STK32B: variants seen among roughly 807,000 people sequenced by gnomAD.
STK32B encodes the protein serine/threonine kinase 32B, also known as serine/threonine-protein kinase 32B.
STK32B carries 43 observed loss-of-function variants against 52.6 expected under a neutral mutation model. That is an observed-to-expected ratio of 0.82 (90% CI 0.64 to 1.05). The LOEUF (loss-of-function observed/expected upper bound fraction) is 1.05, where lower values mean the gene tolerates loss of function less well. Among genes scored for constraint, STK32B ranks in the 50% least tolerant of loss-of-function variants. The pLI is 0.00. For missense variants in STK32B, 621 were observed against 534.6 expected, an observed-to-expected ratio of 1.16 and a Z score of -1.59; for synonymous variants, 238 against 204.3, an observed-to-expected ratio of 1.17 and a Z score of -1.41.
intron 3 of STK32B, among the ~76,000 whole-genome samples, chr4:5,211,223 C>G (rs1440608780): frequency 2.0e-5 from 3 of 152,196 alleles, no homozygotes; most frequent in African/African-American, 7.2e-5. Context: ...ACTTATTTGT[C>G]TATTAGCATG....
At chr4:5,038,966 A>T in the STK32B span, among the ~76,000 whole-genome samples, 1 of 150,724 alleles carries the variant, frequency 6.6e-6, no homozygotes, top group South Asian at 2.1e-4. Context: ...CATACTGTAC[A>T]GCTATACAAA....
intron 5 of STK32B, among the ~76,000 whole-genome samples, chr4:5,410,745 T>C (rs946488425): frequency 5.3e-5 from 8 of 152,292 alleles, no homozygotes; most frequent in Non-Finnish European, 8.8e-5. Context: ...TATTATGATA[T>C]CCCTACAAAC....
intron 3 of STK32B, among the ~76,000 whole-genome samples, chr4:5,280,599 A>G (rs530571741): frequency 6.6e-6 from 1 of 152,266 alleles, no homozygotes; most frequent in Non-Finnish European, 1.5e-5. Context: ...TCGCACTGCT[A>G]TAAAGACATA....
At chr4:5,442,515 A>G (rs28878260) in intron 6 of STK32B, among the ~76,000 whole-genome samples, 34,819 of 144,862 alleles carry the variant, frequency 0.24, 5,034 homozygotes, top group East Asian at 0.71. Context: ...CGTGAGATGG[A>G]TTTCCTGAAT....
At chr4:5,144,832 C>CCAAT (rs1716786417) in intron 2 of STK32B, among the ~76,000 whole-genome samples, 1 of 151,742 alleles carries the variant, frequency 6.6e-6, no homozygotes, top group Non-Finnish European at 1.5e-5. Context: ...ATCCATCCAT[C>CCAAT]CAACATACGG....
intron 6 of STK32B, among the ~76,000 whole-genome samples, chr4:5,438,760 A>G (rs1714386600): frequency 6.6e-6 from 1 of 151,906 alleles, no homozygotes; most frequent in African/African-American, 2.4e-5. Flanking sequence ...CCCTCCCCAC[A>G]CCCCACAACA....
chr4:5,392,025 G>A (rs752591356), intron 4 of STK32B, among the ~76,000 whole-genome samples: 37 of 152,056 alleles, frequency 2.4e-4, no homozygotes, highest in Middle Eastern at 3.2e-3. Context: ...GAAGGGACAG[G>A]GTCAGATTTG....
chr4:5,317,320 A>ATT (rs1553871770), intron 3 of STK32B, among the ~76,000 whole-genome samples: 1 of 43,496 alleles, frequency 2.3e-5, no homozygotes, highest in African/African-American at 1.9e-4. Context: ...ACATATGTAT[A>ATT]ATATATATTA....
chr4:5,142,115 GCCCTTGGGAATGTCCAATA>G (rs1184224861), intron 2 of STK32B, among the ~76,000 whole-genome samples: 1 of 152,198 alleles, frequency 6.6e-6, no homozygotes, highest in Non-Finnish European at 1.5e-5. Flanking sequence ...ACAGAAAAGT[GCCCTTGGGAATGTCCAATA>G]CACTAACTAT....
At position 5,275,773 on chromosome 4, in the gene STK32B, G is replaced by A. The variant is rs1199259233; in HGVS notation, c.261-55447G>A. On this transcript the variant is annotated intron_variant, in intron 3 of 11. Transcript: ENST00000282908. ...CTGTGAGCAGAACCACCCTGAGAGT[G>A]GCGCACACTGAGTACTGCTGGTGGT... Among the ~76,000 whole-genome samples, 3 of 152,052 alleles carry A rather than the reference G, an allele frequency of 2.0e-5. No individual in the cohort carries two copies. The East Asian group carries it at 5.8e-4, about 29-fold the overall frequency.
At chr4:5,172,664 T>C (rs530201961) in intron 3 of STK32B, among the ~76,000 whole-genome samples, 1 of 152,344 alleles carries the variant, frequency 6.6e-6, no homozygotes, top group Non-Finnish European at 1.5e-5. Flanking sequence ...GAACCCCACT[T>C]GATCATGGTG....
At chr4:5,498,795 C>T in intron 11 of STK32B, 150 bp from the exon 12 acceptor site, 1 of 1,195,492 alleles carries the variant, frequency 8.4e-7, no homozygotes, top group African/African-American at 1.6e-5. Flanking sequence ...CAGTGCACAG[C>T]ACCGTGGATG....
chr4:5,280,350 G>T (rs1396823811), intron 3 of STK32B, among the ~76,000 whole-genome samples: 2 of 152,044 alleles, frequency 1.3e-5, no homozygotes, highest in African/African-American at 2.4e-5. Flanking sequence ...CCTCAGCCTG[G>T]ACTTCACTGT....
chr4:5,100,069 A>T (rs1483905352), intron 1 of STK32B, among the ~76,000 whole-genome samples: 1 of 151,928 alleles, frequency 6.6e-6, no homozygotes, highest in Admixed American at 6.6e-5. Flanking sequence ...CTCTGAAATG[A>T]GGCACAGAGA....
intron 6 of STK32B, chr4:5,436,699 C>T: frequency 1.0e-6 from 1 of 977,786 alleles, no homozygotes; most frequent in Non-Finnish European, 1.2e-6. Flanking sequence ...GCAGAATTGG[C>T]AGCTGAATAT....
rs538882917 is a variant in STK32B, at chr4:5,356,419, G to T, written c.434+25026G>T. 3.3e-5 allele frequency among the ~76,000 whole-genome samples: 5 copies of T among 152,220 alleles called. No homozygotes were observed. In the East Asian group the frequency reaches 7.7e-4, roughly 24 times the overall value. On this transcript the variant is annotated intron_variant, in intron 4 of 11. Coordinates refer to ENST00000282908, the MANE Select transcript of STK32B (RefSeq NM_018401.3). ...ATAAGGTCACATTCACAGACAGCAG[G>T]GTTAGGACTGGGACATAGATTTGGG... is the stretch of plus-strand genomic sequence containing the variant.
chr4:5,109,493 C>T (rs577168061), intron 1 of STK32B, among the ~76,000 whole-genome samples: 1 of 152,200 alleles, frequency 6.6e-6, no homozygotes, highest in Admixed American at 6.5e-5. Flanking sequence ...TCCACATGAA[C>T]AGAATTAGGA....
intron 4 of STK32B, among the ~76,000 whole-genome samples, chr4:5,388,120 A>G (rs893926776): frequency 2.0e-5 from 3 of 152,196 alleles, no homozygotes; most frequent in African/African-American, 4.8e-5. Context: ...CATCCATCAA[A>G]AAGAAGATAA....
intron 11 of STK32B, among the ~76,000 whole-genome samples, chr4:5,486,355 C>T (rs539633672): frequency 4.9e-4 from 75 of 152,284 alleles, no homozygotes; most frequent in African/African-American, 1.7e-3. Context: ...TAGCAATGAG[C>T]GAGGCTCCGT....
Sources: gnomAD v4.1 joint callset for allele counts (sites outside exome capture counted in the v4.1 genomes callset) on GRCh38, gnomAD v4.1.1 for gene constraint, MANE v1.5 for transcripts, NCBI Gene and HGNC (gene_info 2026-07-23, HGNC 2026-07-21) for gene names.